Variants in CPQ observed in about 807,000 individuals in gnomAD.
CPQ encodes carboxypeptidase Q.
In CPQ, 37 loss-of-function variants were observed where a neutral mutation model predicts 45.7. The ratio of observed to expected loss-of-function variants is 0.81; its 90% CI spans 0.62 to 1.07. CPQ has a LOEUF of 1.07. CPQ is among the 50% of genes least tolerant of loss of function. The probability of loss-of-function intolerance (pLI) is 0.00; values close to 1 mark genes in which losing one functional copy is unlikely to be tolerated. For synonymous variants in CPQ, 186 were observed against 205.8 expected (o/e 0.90, Z 0.82); for missense variants, 537 against 572.9 (o/e 0.94, Z 0.64).
intron 1 of CPQ, among the ~76,000 whole-genome samples, chr8:96,686,502 A>G (rs770166477): frequency 6.6e-6 from 1 of 151,906 alleles, no homozygotes; most frequent in Non-Finnish European, 1.5e-5. Flanking sequence ...AATTATATTA[A>G]TAGATTTATT....
At chr8:97,140,366 A>AC (rs1554592996) in intron 7 of CPQ, among the ~76,000 whole-genome samples, 1 of 136,326 alleles carries the variant, frequency 7.3e-6, no homozygotes, top group Non-Finnish European at 1.5e-5. Context: ...CCCAGAATGT[A>AC]TAAAAAAAAG....
chr8:96,910,904 G>C (rs889363900), intron 4 of CPQ, among the ~76,000 whole-genome samples: 1 of 151,924 alleles, frequency 6.6e-6, no homozygotes, highest in Non-Finnish European at 1.5e-5. Flanking sequence ...GTCAGGACTT[G>C]AACCAGGTTT....
chr8:96,865,871 A>G (rs1256766594), intron 3 of CPQ, among the ~76,000 whole-genome samples: 1 of 152,070 alleles, frequency 6.6e-6, no homozygotes, highest in African/African-American at 2.4e-5. Context: ...GTGCCTATGT[A>G]CTAGAGTGTA....
At chr8:96,732,134 T>C (rs1325649921) in intron 1 of CPQ, among the ~76,000 whole-genome samples, 1 of 152,174 alleles carries the variant, frequency 6.6e-6, no homozygotes, top group Non-Finnish European at 1.5e-5. Flanking sequence ...GTAAAATCTA[T>C]TACAGGAAAA....
At chr8:96,704,845 AT>A (rs1453197001) in intron 1 of CPQ, among the ~76,000 whole-genome samples, 2 of 152,176 alleles carry the variant, frequency 1.3e-5, no homozygotes, top group African/African-American at 4.8e-5. Context: ...GAAATCTTTG[AT>A]TCAAAGTACC....
At chr8:97,109,734 A>G (rs1013274419) in intron 7 of CPQ, among the ~76,000 whole-genome samples, 1 of 152,010 alleles carries the variant, frequency 6.6e-6, no homozygotes, top group Admixed American at 6.6e-5. Flanking sequence ...ATATGTACTC[A>G]GCGCTTTTGG....
intron 4 of CPQ, among the ~76,000 whole-genome samples, chr8:96,962,020 G>A (rs549999497): frequency 1.4e-3 from 215 of 152,140 alleles, no homozygotes; most frequent in Admixed American, 2.4e-3. Flanking sequence ...CTTTGATTTC[G>A]TCCATCTCCA....
chr8:96,773,284 G>A (rs779683790), intron 1 of CPQ, among the ~76,000 whole-genome samples: 3 of 152,168 alleles, frequency 2.0e-5, no homozygotes, highest in Non-Finnish European at 4.4e-5. Flanking sequence ...TAGTTGTAGA[G>A]AACATGCTTG....
At chr8:96,669,327 C>T (rs1586351689) in intron 1 of CPQ, among the ~76,000 whole-genome samples, 1 of 152,184 alleles carries the variant, frequency 6.6e-6, no homozygotes, top group Admixed American at 6.5e-5. Context: ...GTGGATACCA[C>T]ATGGAGGATC....
intron 4 of CPQ, among the ~76,000 whole-genome samples, chr8:96,961,750 T>C (rs928286800): frequency 4.6e-5 from 7 of 152,224 alleles, no homozygotes; most frequent in African/African-American, 1.7e-4. Context: ...TCGGTATCTC[T>C]AGCACATAGT....
At chr8:97,029,933 G>T (rs1030808056) in intron 6 of CPQ, among the ~76,000 whole-genome samples, 6 of 152,192 alleles carry the variant, frequency 3.9e-5, no homozygotes, top group Non-Finnish European at 7.4e-5. Context: ...TGCCATGATG[G>T]TGGTGGAAAT....
chr8:97,011,462 C>T (rs763053399), intron 5 of CPQ, among the ~76,000 whole-genome samples: 45 of 152,108 alleles, frequency 3.0e-4, no homozygotes, highest in Non-Finnish European at 5.9e-4. Flanking sequence ...AGATTTTTCA[C>T]CTAAAAAGAG....
At chr8:96,816,263 T>G (rs1331151010) in intron 2 of CPQ, among the ~76,000 whole-genome samples, 1 of 152,122 alleles carries the variant, frequency 6.6e-6, no homozygotes, top group Non-Finnish European at 1.5e-5. Flanking sequence ...TCACCAGGAG[T>G]AGATTCCATC....
intron 1 of CPQ, among the ~76,000 whole-genome samples, chr8:96,671,932 G>T (rs113344098): frequency 0.023 from 3,472 of 152,188 alleles, 147 homozygotes; most frequent in African/African-American, 0.079. Context: ...TCATTAATAT[G>T]ATTTTTAGGG....
chr8:97,060,870 C>A (rs16895193), intron 6 of CPQ, among the ~76,000 whole-genome samples: 5,796 of 152,212 alleles, frequency 0.038, 192 homozygotes, highest in East Asian at 0.16. Context: ...TGAGAAGCAG[C>A]AGTTCTAACA....
chr8:96,797,322 T>C (rs544306445), intron 2 of CPQ, among the ~76,000 whole-genome samples: 7 of 152,184 alleles, frequency 4.6e-5, no homozygotes, highest in Admixed American at 1.3e-4. Flanking sequence ...TGAAGGACCT[T>C]GAATGGATGT....
chr8:96,740,565 T>G (rs1449777310), intron 1 of CPQ, among the ~76,000 whole-genome samples: 2 of 151,660 alleles, frequency 1.3e-5, no homozygotes, highest in Non-Finnish European at 2.9e-5. Context: ...ATGCTTCCAG[T>G]TTTTGCCCAT....
intron 1 of CPQ, among the ~76,000 whole-genome samples, chr8:96,740,610 A>T (rs986698164): frequency 2.0e-5 from 3 of 151,562 alleles, no homozygotes; most frequent in Non-Finnish European, 4.4e-5. Flanking sequence ...TGTCATAGAT[A>T]GCTCTTATTA....
intron 2 of CPQ, among the ~76,000 whole-genome samples, chr8:96,790,305 TAAG>T (rs964749895): frequency 3.9e-5 from 6 of 152,212 alleles, no homozygotes; most frequent in South Asian, 2.1e-4. Flanking sequence ...TAGTGGATGA[TAAG>T]AAGGGAGGAG....
Sources: gnomAD v4.1 joint callset for allele counts (sites outside exome capture counted in the v4.1 genomes callset) on GRCh38, gnomAD v4.1.1 for gene constraint, MANE v1.5 for transcripts, NCBI Gene and HGNC (gene_info 2026-07-23, HGNC 2026-07-21) for gene names.